YWHAQ: variants seen among roughly 807,000 people sequenced by gnomAD.
YWHAQ encodes the protein tyrosine 3-monooxygenase/tryptophan 5-monooxygenase activation protein theta.
Under a neutral mutation model 28.3 loss-of-function variants are expected in YWHAQ, and 6 were observed. The observed-to-expected ratio is 0.21, with a 90% CI of 0.12 to 0.42. YWHAQ has a LOEUF of 0.42. YWHAQ is among the 10% of genes least tolerant of loss of function. The pLI is 1.00. For synonymous variants in YWHAQ, 143 were observed against 119.1 expected, an observed-to-expected ratio of 1.20 and a Z score of -1.31; for missense variants, 201 against 305.6, an observed-to-expected ratio of 0.66 and a Z score of 2.55.
chr2:9,625,170 G>A (rs1351870081), intron 2 of YWHAQ, among the ~76,000 whole-genome samples: 1 of 144,050 alleles, frequency 6.9e-6, no homozygotes, highest in African/African-American at 2.8e-5. Flanking sequence ...GCTGAGGCAG[G>A]AGAATTGCTT....
intron 2 of YWHAQ, among the ~76,000 whole-genome samples, chr2:9,616,820 A>C (rs1667050040): frequency 6.6e-6 from 1 of 152,262 alleles, no homozygotes; most frequent in Non-Finnish European, 1.5e-5. Flanking sequence ...CTAAAACATT[A>C]AATGGGTATA....
chr2:9,630,444 C>G lies in YWHAQ; in HGVS notation c.9G>C (p.Lys3Asn). 1 of 1,606,530 alleles carries G rather than the reference C, an allele frequency of 6.2e-7. No homozygotes were observed. The highest frequency in any genetic ancestry group is 8.5e-7 in the Non-Finnish European group (1 of 1,177,954). The change falls in exon 2 of 6, where the codon AAG (lysine) becomes AAC (asparagine). Residue 3 changes from lysine to asparagine, a missense_variant. Transcript: ENST00000238081. This position sits in a 1 kb window ranked among gnomAD's most constrained non-coding sequence, Gnocchi z 5.6. The part of the protein sequence containing the change: ME[K>N]TELIQKAKLA... ...GCTTGGCCTTCTGGATCAGCTCAGT[C>G]TTCTCCATGGCGGGCGCGGGGCCGG...
rs547582835 is a variant in YWHAQ, at chr2:9,597,985, ATTTTTTTTTTTTT to A, written c.295-6483_295-6471del. Among the ~76,000 whole-genome samples, 18 of 62,480 alleles carry A rather than the reference ATTTTTTTTTTTTT, an allele frequency of 2.9e-4. No homozygotes were observed. In the East Asian group the frequency reaches 3.3e-3, roughly 12 times the overall value. 41.0% of individuals were successfully genotyped at this position (62,480 alleles called of 152,430 possible). A position where few individuals can be genotyped will look rare whatever the true frequency, so the allele number is the denominator to read the frequency against. ...CAGGCATGCACCACCATGCCGGGCT[ATTTTTTTTTTTTT>A]TTTTTTTTTTTTTTTAGTAGAGACA... is the stretch of plus-strand genomic sequence containing the variant. On this transcript the variant is annotated intron_variant, in intron 2 of 5. Coordinates refer to ENST00000238081, the MANE Select transcript of YWHAQ (RefSeq NM_006826.4).
chr2:9,587,458 T>G lies in YWHAQ; in HGVS notation c.634A>C (p.Lys212Gln). 1 of 1,611,944 alleles carries G rather than the reference T, an allele frequency of 6.2e-7. No individual in the cohort carries two copies. The highest frequency in any genetic ancestry group is 8.5e-7 in the Non-Finnish European group (1 of 1,178,732). The change falls in exon 5 of 6, where the codon AAA becomes CAA. Residue 212 changes from lysine to glutamine, a missense_variant. By Grantham distance (53) the Lys-to-Gln change is moderately conservative (BLOSUM62 1). Around this residue, in one of 2 missense-constraint regions of YWHAQ, gnomAD observed 39 missense variants for 91.7 expected, o/e 0.43. Coordinates refer to ENST00000238081, the MANE Select transcript of YWHAQ (RefSeq NM_006826.4). Reference protein sequence around the residue: ...ELDTLNEDSYKDSTLIMQLLR... With the variant: ...ELDTLNEDSYQDSTLIMQLLR... ...AACTGCATGATGAGGGTGCTGTCTTTGTATGAGTCTTCATTCAGTGTATCA... is the reference window on the plus strand; with the variant it reads ...AACTGCATGATGAGGGTGCTGTCTTGGTATGAGTCTTCATTCAGTGTATCA...
At chr2:9,624,306 A>G (rs566752028) in intron 2 of YWHAQ, among the ~76,000 whole-genome samples, 4 of 152,326 alleles carry the variant, frequency 2.6e-5, no homozygotes, top group African/African-American at 4.8e-5. Context: ...GACCCACTGA[A>G]TAAGTTTCAG....
rs11693980 is a variant in YWHAQ, at chr2:9,607,207, C to T, written c.295-15692G>A. On this transcript the variant is annotated intron_variant, in intron 2 of 5. Coordinates refer to ENST00000238081, the MANE Select transcript of YWHAQ (RefSeq NM_006826.4). ...ATATTTTTCTATTACTTTTTTTTTT[C>T]TTTTTTTTTTTGAGACAGGGTTTTG... Among the ~76,000 whole-genome samples, 188 of 129,110 alleles carry T rather than the reference C, an allele frequency of 1.5e-3. 1 individual carries two copies. Among genetic ancestry groups the T allele is most frequent in the Admixed American group, 2.4e-3 (30 of 12,698 alleles). The allele number at this position is 129,110 out of a possible 152,430, so 84.7% of individuals were successfully genotyped here.
intron 2 of YWHAQ, among the ~76,000 whole-genome samples, chr2:9,620,168 C>T (rs569978100): frequency 6.6e-6 from 1 of 152,324 alleles, no homozygotes; most frequent in Middle Eastern, 3.4e-3. Context: ...TTCTTATCAT[C>T]ATGGTCTCAC....
rs149603894 is a variant in YWHAQ at position 9,591,241 on chromosome 2, T to A, written c.418+151A>T. 218 of 967,830 alleles carry A rather than the reference T, an allele frequency of 2.3e-4. 1 individual carries two copies. The African/African-American group carries it at 3.1e-3, about 14-fold the overall frequency. 60.0% of individuals were successfully genotyped at this position (967,830 alleles called of 1,614,324 possible). On this transcript the variant is annotated intron_variant, in intron 3 of 5. Transcript: ENST00000238081. Reference sequence around the variant, plus strand: ...AAATTTATAATCCAATTTTCATTTTTGAGAACATAAGGTAATACTAATTTT... The same window carrying A: ...AAATTTATAATCCAATTTTCATTTTAGAGAACATAAGGTAATACTAATTTT...
At chr2:9,594,317 A>C (rs900097124) in intron 2 of YWHAQ, among the ~76,000 whole-genome samples, 2 of 152,152 alleles carry the variant, frequency 1.3e-5, no homozygotes, top group African/African-American at 4.8e-5. Context: ...TATTACTTTA[A>C]CTTTTTCCTC....
chr2:9,588,168 T>C lies in YWHAQ; in HGVS notation c.579A>G (p.Lys193=). ...NNPELACTLA[K]TAFDEAIAEL... is the part of the protein sequence containing the mutation. ...ATTTCCTGGACACACATCTTACCGTTTTAGCCAGCGTGCAGGCAAGCTCTG... is the reference window on the plus strand; with the variant it reads ...ATTTCCTGGACACACATCTTACCGTCTTAGCCAGCGTGCAGGCAAGCTCTG... Residue 193 remains lysine (K), a synonymous_variant, in exon 4 of 6, where the codon AAA becomes AAG. Transcript: ENST00000238081. 2 of 1,555,492 alleles carry C rather than the reference T, an allele frequency of 1.3e-6. No individual in the cohort carries two copies. Among genetic ancestry groups the C allele is most frequent in the East Asian group, 4.8e-5 (2 of 41,974 alleles).
chr2:9,600,653 C>T (rs147410812), intron 2 of YWHAQ, among the ~76,000 whole-genome samples: 2,662 of 151,712 alleles, frequency 0.018, 78 homozygotes, highest in African/African-American at 0.062. Context: ...TGTGGTGAGC[C>T]GAGGTCGCGC....
intron 2 of YWHAQ, among the ~76,000 whole-genome samples, chr2:9,613,059 C>A (rs542018345): frequency 5.3e-5 from 8 of 152,302 alleles, no homozygotes; most frequent in Non-Finnish European, 1.2e-4. Flanking sequence ...GAGGGACAAA[C>A]CCTCAACCAT....
At chr2:9,597,630 G>A (rs1205986856) in intron 2 of YWHAQ, among the ~76,000 whole-genome samples, 15 of 93,838 alleles carry the variant, frequency 1.6e-4, no homozygotes, top group Admixed American at 3.9e-4. Context: ...GCGAAACTCC[G>A]TCTCAAAAAA....
At position 9,585,226 on chromosome 2, in the gene YWHAQ, A is replaced by G; in HGVS notation, c.*60T>C. The G allele has an allele frequency of 1.9e-6, 3 of 1,576,744 alleles. No individual in the cohort carries two copies. In the East Asian group the frequency reaches 6.7e-5, roughly 35 times the overall value. On this transcript the variant is annotated 3_prime_UTR_variant, in exon 6 of 6. Transcript: ENST00000238081. The stretch of plus-strand genomic sequence containing the variant: ...TGCTATAGGAAATCCAAGTGGAATA[A>G]GGAATGGAGATGTGTAAAAAGGTTT...
intron 2 of YWHAQ, among the ~76,000 whole-genome samples, chr2:9,605,140 CTTT>C (rs35332379): frequency 7.2e-5 from 10 of 138,394 alleles, no homozygotes; most frequent in Admixed American, 1.4e-4. Flanking sequence ...TCTGTTCTCT[CTTT>C]TTTTTTTTTT....
chr2:9,616,831 T>C (rs1170858653), intron 2 of YWHAQ, among the ~76,000 whole-genome samples: 2 of 152,218 alleles, frequency 1.3e-5, no homozygotes, highest in East Asian at 1.9e-4. Flanking sequence ...AATGGGTATA[T>C]ACACAAGAGA....
intron 2 of YWHAQ, among the ~76,000 whole-genome samples, chr2:9,606,403 T>TAAAATAAAAATA (rs144636528): frequency 6.6e-6 from 1 of 150,484 alleles, no homozygotes; most frequent in South Asian, 2.1e-4. Flanking sequence ...CCGTCTCTAC[T>TAAAATAAAAATA]AAAATAAAAA....
intron 2 of YWHAQ, among the ~76,000 whole-genome samples, chr2:9,616,751 T>C (rs527970669): frequency 3.3e-5 from 5 of 152,322 alleles, no homozygotes; most frequent in African/African-American, 9.6e-5. Flanking sequence ...TGGAACTCTC[T>C]TACACTGTGG....
intron 2 of YWHAQ, among the ~76,000 whole-genome samples, chr2:9,597,985 ATTT>A (rs547582835): frequency 1.1e-3 from 67 of 62,472 alleles, no homozygotes; most frequent in Middle Eastern, 0.012. Context: ...ATGCCGGGCT[ATTT>A]TTTTTTTTTT....
Sources: allele counts gnomAD v4.1 joint callset (sites outside exome capture counted in the v4.1 genomes callset), GRCh38; gene constraint gnomAD v4.1.1; regional missense constraint gnomAD v4.1.1; non-coding constraint Gnocchi (gnomAD v3.1); transcripts MANE v1.5; gene names NCBI Gene and HGNC (gene_info 2026-07-23, HGNC 2026-07-21).